PHF19: variants seen among roughly 807,000 people sequenced by gnomAD.
PHF19 encodes the protein PHD finger protein 19.
PHF19 carries 21 observed loss-of-function variants against 79.8 expected under a neutral mutation model. That is an observed-to-expected ratio of 0.26 (90% confidence interval 0.19 to 0.38). The LOEUF is 0.38. Among genes scored for constraint, PHF19 ranks in the 10% least tolerant of loss-of-function variants. The pLI, the probability that PHF19 is intolerant of heterozygous loss-of-function variation, is 1.00. For synonymous variants in PHF19, 273 were observed against 296.3 expected, an observed-to-expected ratio of 0.92 and a Z score of 0.81; for missense variants, 445 against 744.2, an observed-to-expected ratio of 0.60 and a Z score of 4.68.
At position 120,891,328 on chromosome 9, in the gene PHF19, TAC is replaced by T. The variant is rs1229122957; in HGVS notation, c.42+3458_42+3459del. On this transcript the variant is annotated intron_variant, in intron 1 of 14. Coordinates refer to the PHF19 transcript ENST00000616568. This position sits in a 1 kb window ranked among gnomAD's most constrained non-coding sequence, Gnocchi z 4.3. ...CCCTCTCTGAGGAACTTGGTCCAGC[TAC>T]AGTCAATATCTAGAGAAGGTATTGG... 6.6e-6 allele frequency among the ~76,000 whole-genome samples: 1 copy of T among 151,364 alleles called. No homozygotes were observed. Among genetic ancestry groups the T allele is most frequent in the Non-Finnish European group, 1.5e-5 (1 of 67,842 alleles).
At chr9:120,859,969 A>T in intron 14 of PHF19, 121 bp downstream of exon 14, 1 of 656,526 alleles carries the variant, frequency 1.5e-6, no homozygotes, top group East Asian at 2.8e-5. Context: ...AAGGCCAGGT[A>T]CTCCCCGCCA....
intron 3 of PHF19, among the ~76,000 whole-genome samples, chr9:120,872,408 G>A (rs1043218455): frequency 6.6e-6 from 1 of 152,200 alleles, no homozygotes; most frequent in Non-Finnish European, 1.5e-5. Context: ...GTATGTGGTG[G>A]GCCTCCACAG....
chr9:120,903,043 T>C, the PHF19 span: 1 of 152,168 alleles, frequency 6.6e-6, no homozygotes. Flanking sequence ...GGCTCAACAC[T>C]CGGTGAGTAG....
chr9:120,861,712 C>T (rs987110004), intron 12 of PHF19, among the ~76,000 whole-genome samples: 7 of 152,098 alleles, frequency 4.6e-5, no homozygotes, highest in Non-Finnish European at 8.8e-5. Flanking sequence ...CCTGCCTTTG[C>T]CCCCCAACTT....
chr9:120,870,033 G>A lies in PHF19; in HGVS notation c.365-88C>T, dbSNP rs1165809971. The A allele has an allele frequency of 6.6e-7, 1 of 1,510,172 alleles. No individual in the cohort carries two copies. Among genetic ancestry groups the A allele is most frequent in the Non-Finnish European group, 8.9e-7 (1 of 1,128,356 alleles). The allele number at this position is 1,510,172 out of a possible 1,614,324, so 93.5% of individuals were successfully genotyped here. A position where few individuals can be genotyped will look rare whatever the true frequency, so the allele number is the denominator to read the frequency against. ...CAAAGGAGGCAGGGCTGGGAGGGCT[G>A]AGGGAAGTCCTAGGAGCTCTGCCTG... is the stretch of plus-strand genomic sequence containing the variant. On this transcript the variant is annotated intron_variant, in intron 4 of 14. Coordinates refer to ENST00000373896, the MANE Select transcript of PHF19 (RefSeq NM_015651.3). The surrounding 1 kb of genome is among the most constrained non-coding windows in gnomAD (Gnocchi z 4.4).
Position 120,857,310 on chromosome 9 carries a change from C to G in PHF19, c.*634G>C, listed in dbSNP as rs1207633995. On this transcript the variant is annotated 3_prime_UTR_variant, in exon 15 of 15. Transcript: ENST00000373896. ...AATACCTGGGCCCTGGTGCTGGTGC[C>G]TTCTGAGGCAGACCCAGCCCTTTAC... The G allele has an allele frequency of 6.6e-6, 1 of 152,304 alleles. No homozygotes were observed. 9.4% of individuals were successfully genotyped at this position (152,304 alleles called of 1,614,324 possible).
chr9:120,894,780 G>A (rs1282802073), intron 1 of PHF19: 1 of 1,226,512 alleles, frequency 8.2e-7, no homozygotes, highest in Non-Finnish European at 1.0e-6. Flanking sequence ...TCGATCTCCC[G>A]GACCCACCTG....
At chr9:120,876,954 G>C in intron 1 of PHF19, 137 bp downstream of exon 1, 40 of 818,276 alleles carry the variant, frequency 4.9e-5, no homozygotes, top group East Asian at 1.2e-4. Context: ...CCCCACCCCC[G>C]AGAGCCCCGC....
rs571961141 is a variant in PHF19, at chr9:120,862,942, G to A, written c.969-193C>T. On this transcript the variant is annotated intron_variant, in intron 10 of 14. Coordinates refer to ENST00000373896, the MANE Select transcript of PHF19 (RefSeq NM_015651.3). This position sits in a 1 kb window ranked among gnomAD's most constrained non-coding sequence, Gnocchi z 4.6. ...CAGGTAGCAGCTGAGAACACGGCTG[G>A]TGCCTCCTCCCTGTGCTTCCTCCTG... 3 of 587,652 alleles carry A rather than the reference G, an allele frequency of 5.1e-6. No homozygotes were observed. Among genetic ancestry groups the A allele is most frequent in the Non-Finnish European group, 9.1e-6 (3 of 328,126 alleles). The allele number at this position is 587,652 out of a possible 1,614,324, so 36.4% of individuals were successfully genotyped here.
chr9:120,892,815 T>TG (rs2131600608), intron 1 of PHF19, among the ~76,000 whole-genome samples: 1 of 152,184 alleles, frequency 6.6e-6, no homozygotes, highest in Non-Finnish European at 1.5e-5. Context: ...TAGTAAGTGC[T>TG]GAAAAAAAGG....
At chr9:120,903,239 G>C in the PHF19 span, 1 of 152,266 alleles carries the variant, frequency 6.6e-6, no homozygotes, top group Admixed American at 6.5e-5. Context: ...GTTTGCTGCT[G>C]TCGTGCATGG....
chr9:120,871,872 T>C (rs1244448089), intron 3 of PHF19, among the ~76,000 whole-genome samples: 1 of 151,582 alleles, frequency 6.6e-6, no homozygotes, highest in East Asian at 1.9e-4. Context: ...ACCCCCTCTC[T>C]ACTAAAAATA....
chr9:120,877,156 G>A lies in PHF19; in HGVS notation c.-81C>T. 1 of 984,738 alleles carries A rather than the reference G, an allele frequency of 1.0e-6. No homozygotes were observed. The highest frequency in any genetic ancestry group is 4.7e-5 in the South Asian group (1 of 21,480). The allele number at this position is 984,738 out of a possible 1,614,324, so 61.0% of individuals were successfully genotyped here. On this transcript the variant is annotated 5_prime_UTR_variant, in exon 1 of 15. Coordinates refer to ENST00000373896, the MANE Select transcript of PHF19 (RefSeq NM_015651.3). ...CACCAGGCGCATCGGTGGCGGAGGC[G>A]GCTGCGCTCGGCCCGCGGCTGCCCG...
Position 120,869,364 on chromosome 9 carries a change from G to GTCC in PHF19, c.466-35_466-34insGGA. 1.9e-6 allele frequency: 3 copies of GTCC among 1,602,076 alleles called. No homozygotes were observed. Among genetic ancestry groups the GTCC allele is most frequent in the Non-Finnish European group, 2.6e-6 (3 of 1,175,182 alleles). On this transcript the variant is annotated intron_variant, in intron 5 of 14. Coordinates refer to ENST00000373896, the MANE Select transcript of PHF19 (RefSeq NM_015651.3). The surrounding 1 kb of genome is among the most constrained non-coding windows in gnomAD (Gnocchi z 5.8). ...AGACGAGGGCCCCAGTCAACCACCAGGTCCGGGTGGACCACGCGAGTCAGC... is the reference window on the plus strand; with the variant it reads ...AGACGAGGGCCCCAGTCAACCACCAGTCCGTCCGGGTGGACCACGCGAGTCAGC...
At position 120,869,666 on chromosome 9, in the gene PHF19, G is replaced by A; in HGVS notation, c.465+179C>T. On this transcript the variant is annotated intron_variant, in intron 5 of 14. Transcript: ENST00000373896. This position sits in a 1 kb window ranked among gnomAD's most constrained non-coding sequence, Gnocchi z 5.8. ...AACCCATCTCCACTTTACAGTTGAG[G>A]AAACTGAGGCTCAGGGAGTCTACAA... The A allele has an allele frequency of 6.5e-7, 1 of 1,546,540 alleles. No homozygotes were observed. Among genetic ancestry groups the A allele is most frequent in the Non-Finnish European group, 8.7e-7 (1 of 1,142,994 alleles).
chr9:120,900,814 G>A, the PHF19 span, among the ~76,000 whole-genome samples: 1 of 152,228 alleles, frequency 6.6e-6, no homozygotes, highest in Non-Finnish European at 1.5e-5. Context: ...CAATCCTCCT[G>A]CCTTGGCTTC....
chr9:120,870,075 T>C lies in PHF19; in HGVS notation c.365-130A>G. ...CTCTGCCTGCCAGCTGCCGGGAGCC[T>C]GGCTGCTGGTGCCCACCAAGATGGC... On this transcript the variant is annotated intron_variant, in intron 4 of 14. Transcript: ENST00000373896. This position sits in a 1 kb window ranked among gnomAD's most constrained non-coding sequence, Gnocchi z 4.4. 3.0e-6 allele frequency: 4 copies of C among 1,325,190 alleles called. No individual in the cohort carries two copies. The highest frequency in any genetic ancestry group is 4.1e-6 in the Non-Finnish European group (4 of 981,510). 82.1% of individuals were successfully genotyped at this position (1,325,190 alleles called of 1,614,324 possible).
intron 10 of PHF19, among the ~76,000 whole-genome samples, chr9:120,863,363 T>C (rs1400083272): frequency 6.6e-6 from 1 of 151,914 alleles, no homozygotes; most frequent in African/African-American, 2.4e-5. Flanking sequence ...GAGGACCTTA[T>C]TTTATTCCCC....
intron 3 of PHF19, among the ~76,000 whole-genome samples, chr9:120,873,670 T>C (rs1196385041): frequency 6.6e-6 from 1 of 152,252 alleles, no homozygotes; most frequent in Admixed American, 6.5e-5. Flanking sequence ...GCAGCTGTAG[T>C]GCAGCCAGGA....
Sources: allele counts gnomAD v4.1 joint callset (sites outside exome capture counted in the v4.1 genomes callset), GRCh38; gene constraint gnomAD v4.1.1; non-coding constraint Gnocchi (gnomAD v3.1); transcripts MANE v1.5; gene names NCBI Gene and HGNC (gene_info 2026-07-23, HGNC 2026-07-21).